The following ERICH3 variants were observed in gnomAD, a reference collection of about 807,000 sequenced individuals.
ERICH3 encodes the protein glutamate-rich protein 3.
Under a neutral mutation model 131.1 loss-of-function variants are expected in ERICH3, and 126 were observed. The observed-to-expected ratio is 0.96, with a 90% CI of 0.83 to 1.11. The LOEUF (loss-of-function observed/expected upper bound fraction) is 1.11, where lower values mean the gene tolerates loss of function less well. Among genes scored for constraint, ERICH3 ranks in the 50% most tolerant of loss-of-function variants. The pLI, the probability that ERICH3 is intolerant of heterozygous loss-of-function variation, is 0.00. For missense variants in ERICH3, 2,050 were observed against 1,810.7 expected (o/e 1.13, Z -2.40); for synonymous variants, 695 against 644.6 (o/e 1.08, Z -1.18).
chr1:74,658,933 A>T (rs957545045), intron 1 of ERICH3, among the ~76,000 whole-genome samples: 1 of 152,222 alleles, frequency 6.6e-6, no homozygotes, highest in Non-Finnish European at 1.5e-5. Flanking sequence ...GCAAGTAAAG[A>T]GCTTAGCGCA....
At chr1:74,652,356 CTG>C (rs1277700726) in intron 1 of ERICH3, among the ~76,000 whole-genome samples, 1 of 152,138 alleles carries the variant, frequency 6.6e-6, no homozygotes, top group Non-Finnish European at 1.5e-5. Context: ...GTCAGCTACA[CTG>C]TGGTCTGGCT....
intron 1 of ERICH3, among the ~76,000 whole-genome samples, chr1:74,670,599 T>G (rs544575914): frequency 8.9e-4 from 136 of 152,316 alleles, no homozygotes; most frequent in African/African-American, 3.1e-3. Flanking sequence ...TCCTGTTATC[T>G]TCGTAAGCTG....
At chr1:74,587,107 C>T (rs1647365508) in intron 12 of ERICH3, among the ~76,000 whole-genome samples, 1 of 151,958 alleles carries the variant, frequency 6.6e-6, no homozygotes, top group African/African-American at 2.4e-5. Flanking sequence ...GGGTGGATCA[C>T]GTGGTCAAGA....
intron 9 of ERICH3, 113 bp from the exon 10 acceptor site, chr1:74,607,015 G>T (rs1648433353): frequency 4.0e-6 from 4 of 992,144 alleles, no homozygotes; most frequent in Non-Finnish European, 5.8e-6. Flanking sequence ...ACACAAAAAT[G>T]TTTTGATTAC....
chr1:74,624,375 G>A (rs1376346373), intron 7 of ERICH3: 1 of 152,196 alleles, frequency 6.6e-6, no homozygotes, highest in Non-Finnish European at 1.5e-5. Flanking sequence ...GCCAGAGGAA[G>A]AGTGTTCATA....
chr1:74,585,425 T>C (rs144306421), intron 12 of ERICH3, among the ~76,000 whole-genome samples: 1 of 152,166 alleles, frequency 6.6e-6, no homozygotes, highest in Non-Finnish European at 1.5e-5. Context: ...TATAAAATAG[T>C]GAGAAGGAAA....
intron 7 of ERICH3, chr1:74,624,680 T>G (rs1649354043): frequency 6.5e-6 from 1 of 152,722 alleles, no homozygotes; most frequent in South Asian, 2.1e-4. Context: ...GGGTTCCTGC[T>G]CACATTTCCT....
chr1:74,606,407 C>A (rs1241744506), intron 10 of ERICH3, among the ~76,000 whole-genome samples, 194 bp downstream of exon 10: 3 of 151,864 alleles, frequency 2.0e-5, no homozygotes, highest in African/African-American at 7.3e-5. Context: ...CTTTCTGGGG[C>A]TAGGTCTGCC....
In ERICH3 at chr1:74,592,934, G is replaced by A. The variant is rs140909378; in HGVS notation, c.1727-2854C>T. 5.9e-3 allele frequency among the ~76,000 whole-genome samples: 902 copies of A among 152,140 alleles called. 2 individuals are homozygous for A. Among genetic ancestry groups the A allele is most frequent in the Non-Finnish European group, 9.4e-3 (641 of 67,992 alleles). ...TTTTATTTATTCTCTTAGAAATAAA[G>A]CAAATGCTTATATTAAAAAAAACTT... On this transcript the variant is annotated intron_variant, in intron 11 of 14. Transcript: ENST00000326665.
intron 6 of ERICH3, among the ~76,000 whole-genome samples, chr1:74,635,066 T>C (rs1382176192): frequency 1.3e-5 from 2 of 152,132 alleles, no homozygotes; most frequent in Non-Finnish European, 2.9e-5. Flanking sequence ...TTTCGTTTAT[T>C]ATCTAGAGAA....
chr1:74,654,842 T>G (rs2100647795), intron 1 of ERICH3, among the ~76,000 whole-genome samples: 1 of 152,298 alleles, frequency 6.6e-6, no homozygotes, highest in Middle Eastern at 3.4e-3. Flanking sequence ...AACCTAAGGC[T>G]TATTCCTGCT....
intron 14 of ERICH3, among the ~76,000 whole-genome samples, chr1:74,570,676 AG>A (rs1646926423): frequency 1.3e-5 from 2 of 152,246 alleles, no homozygotes; most frequent in African/African-American, 4.8e-5. Context: ...GCCCACTTAA[AG>A]GCAAATGATA....
At chr1:74,588,232 A>T (rs918879864) in intron 12 of ERICH3, among the ~76,000 whole-genome samples, 5 of 152,312 alleles carry the variant, frequency 3.3e-5, no homozygotes, top group African/African-American at 1.2e-4. Context: ...GTTCTTCGTG[A>T]AAACTTTCAA....
chr1:74,607,784 T>G lies in ERICH3; in HGVS notation c.1188-882A>C, dbSNP rs563523297. The stretch of plus-strand genomic sequence containing the variant: ...ATATGAATAAATTGTCTTCTATAGC[T>G]TTCTATTTCTTAAGTTGATATTAAA... On this transcript the variant is annotated intron_variant, in intron 9 of 14. Coordinates refer to ENST00000326665, the MANE Select transcript of ERICH3 (RefSeq NM_001002912.5). 4.9e-3 allele frequency among the ~76,000 whole-genome samples: 740 copies of G among 152,106 alleles called. 8 individuals are homozygous for G. Among genetic ancestry groups the G allele is most frequent in the African/African-American group, 0.016 (667 of 41,508 alleles).
intron 1 of ERICH3, among the ~76,000 whole-genome samples, chr1:74,656,224 G>C (rs1646582414): frequency 6.6e-6 from 1 of 152,086 alleles, no homozygotes; most frequent in African/African-American, 2.4e-5. Context: ...GGACAACCTA[G>C]ATAGCACATC....
chr1:74,629,667 A>G (rs1649528432), intron 7 of ERICH3, among the ~76,000 whole-genome samples: 1 of 152,134 alleles, frequency 6.6e-6, no homozygotes, highest in Non-Finnish European at 1.5e-5. Context: ...CTCGCCAGAT[A>G]CCTTGACACA....
chr1:74,609,747 T>A (rs903236386), intron 9 of ERICH3, among the ~76,000 whole-genome samples: 15 of 152,028 alleles, frequency 9.9e-5, no homozygotes, highest in African/African-American at 3.4e-4. Context: ...CAAAAAAAAA[T>A]TGAAAACCAT....
At chr1:74,659,452 G>C (rs1646619802) in intron 1 of ERICH3, among the ~76,000 whole-genome samples, 1 of 152,174 alleles carries the variant, frequency 6.6e-6, no homozygotes, top group African/African-American at 2.4e-5. Flanking sequence ...AGGGTAGTCA[G>C]TCAGCATGCC....
intron 12 of ERICH3, among the ~76,000 whole-genome samples, chr1:74,587,108 G>T (rs1453729626): frequency 6.6e-6 from 1 of 151,974 alleles, no homozygotes; most frequent in East Asian, 1.9e-4. Context: ...GGTGGATCAC[G>T]TGGTCAAGAG....
Sources: gnomAD v4.1 joint callset for allele counts (sites outside exome capture counted in the v4.1 genomes callset) on GRCh38, gnomAD v4.1.1 for gene constraint, MANE v1.5 for transcripts, NCBI Gene and HGNC (gene_info 2026-07-23, HGNC 2026-07-21) for gene names.